NPL: variants seen among roughly 807,000 people sequenced by gnomAD.
NPL encodes N-acetylneuraminate lyase.
NPL carries 32 observed loss-of-function variants against 41.1 expected under a neutral mutation model. The ratio of observed to expected loss-of-function variants is 0.78; its 90% confidence interval spans 0.59 to 1.05. The LOEUF (loss-of-function observed/expected upper bound fraction) is 1.05. Among genes scored for constraint, NPL ranks in the 50% least tolerant of loss-of-function variants. The pLI is 0.00. For synonymous variants in NPL, 128 were observed against 134.9 expected (o/e 0.95, Z 0.35); for missense variants, 321 against 378.4 (o/e 0.85, Z 1.26).
At chr1:182,806,314 C>T (rs1667007902) in intron 5 of NPL, 82 bp downstream of exon 5, 2 of 1,590,128 alleles carry the variant, frequency 1.3e-6, no homozygotes, top group African/African-American at 1.3e-5. Flanking sequence ...TACGCCCTCC[C>T]TGCTTCCTGG....
At chr1:182,799,232 C>T (rs1666764144) in intron 3 of NPL, among the ~76,000 whole-genome samples, 1 of 152,158 alleles carries the variant, frequency 6.6e-6, no homozygotes, top group African/African-American at 2.4e-5. Context: ...GCAAAAAGAA[C>T]AGAAGACTTT....
intron 10 of NPL, among the ~76,000 whole-genome samples, chr1:182,820,120 C>T (rs1363733911): frequency 1.3e-5 from 2 of 152,228 alleles, no homozygotes. Flanking sequence ...GCTGCCCAAG[C>T]GTGGCATCTC....
intron 3 of NPL, among the ~76,000 whole-genome samples, chr1:182,796,280 C>T (rs1666664633): frequency 6.6e-6 from 1 of 151,674 alleles, no homozygotes; most frequent in African/African-American, 2.4e-5. Flanking sequence ...TCCCTTTTCT[C>T]CCACCACCTG....
chr1:182,814,900 ACTT>A (rs750918130), intron 7 of NPL, 42 bp downstream of exon 7: 6 of 1,458,906 alleles, frequency 4.1e-6, no homozygotes, highest in African/African-American at 2.8e-5. Context: ...CACATGGTCC[ACTT>A]CTTCTTGCCT....
intron 3 of NPL, among the ~76,000 whole-genome samples, chr1:182,797,108 A>G (rs1438147326): frequency 6.6e-6 from 1 of 151,824 alleles, no homozygotes; most frequent in African/African-American, 2.4e-5. Flanking sequence ...ACCCTTTCCA[A>G]CTCTTAAGAG....
chr1:182,816,877 C>T lies in NPL; in HGVS notation c.457+71C>T, dbSNP rs1667349128. 4.4e-6 allele frequency: 5 copies of T among 1,146,040 alleles called. No individual in the cohort carries two copies. In the Admixed American group the frequency reaches 7.3e-5, roughly 17 times the overall value. The allele number at this position is 1,146,040 out of a possible 1,614,324, so 71.0% of individuals were successfully genotyped here. On this transcript the variant is annotated intron_variant, in intron 8 of 12. Transcript: ENST00000367553. ...TCTTACCCTATTATGCTAAGAAACT[C>T]CACTCCATCCCACCCTACCCCATGC...
At chr1:182,802,487 G>A (rs1295653885) in intron 3 of NPL, among the ~76,000 whole-genome samples, 1 of 149,862 alleles carries the variant, frequency 6.7e-6, no homozygotes, top group Non-Finnish European at 1.5e-5. Context: ...TGTTTTTGTT[G>A]TTTAAGGAAT....
Position 182,794,454 on chromosome 1 carries a change from G to A in NPL, c.68+15G>A. On this transcript the variant is annotated intron_variant, in intron 3 of 12. Transcript: ENST00000367553. ...ACTGAGAATGGGTAACTATCATTTG[G>A]GGCCTTGAGGGGATCAGTTCTCATT... is the stretch of plus-strand genomic sequence containing the variant. 2 of 1,612,374 alleles carry A rather than the reference G, an allele frequency of 1.2e-6. No individual in the cohort carries two copies. The highest frequency in any genetic ancestry group is 1.7e-6 in the Non-Finnish European group (2 of 1,178,416).
chr1:182,817,318 G>A (rs1465187505), intron 8 of NPL, among the ~76,000 whole-genome samples: 1 of 152,048 alleles, frequency 6.6e-6, no homozygotes, highest in Non-Finnish European at 1.5e-5. Context: ...TCCATAAGAG[G>A]AAAAATGGAG....
chr1:182,802,666 T>C (rs539777415), intron 3 of NPL, among the ~76,000 whole-genome samples: 111 of 152,330 alleles, frequency 7.3e-4, no homozygotes, highest in African/African-American at 2.5e-3. Context: ...CCATTTTCCT[T>C]TGAATTTCAC....
At chr1:182,800,387 G>C (rs1415407058) in intron 3 of NPL, among the ~76,000 whole-genome samples, 1 of 137,296 alleles carries the variant, frequency 7.3e-6, no homozygotes, top group East Asian at 2.5e-4. Flanking sequence ...AGTGAGCCGT[G>C]ATTGTGCCAC....
intron 2 of NPL, 135 bp downstream of exon 2, chr1:182,792,421 A>G (rs1666541067): frequency 1.3e-5 from 2 of 152,212 alleles, no homozygotes; most frequent in Admixed American, 1.3e-4. Context: ...TGGGAGTGCT[A>G]GGTGAAGATA....
intron 6 of NPL, 30 bp downstream of exon 6, chr1:182,812,243 C>T: frequency 6.3e-7 from 1 of 1,591,782 alleles, no homozygotes; most frequent in Non-Finnish European, 8.6e-7. Context: ...TGGGAGAGAC[C>T]ATTCAAGGGG....
intron 3 of NPL, chr1:182,795,606 G>C (rs576367461): frequency 4.5e-4 from 68 of 152,182 alleles, no homozygotes; most frequent in African/African-American, 1.6e-3. Context: ...AAGACTTCTG[G>C]CTTCTAAGAT....
intron 11 of NPL, among the ~76,000 whole-genome samples, chr1:182,823,313 G>T (rs1029337384): frequency 2.6e-5 from 4 of 152,188 alleles, no homozygotes; most frequent in African/African-American, 9.7e-5. Flanking sequence ...GAAGTACAAA[G>T]TATCCTGGGG....
At chr1:182,791,515 T>A (rs1666514851) in intron 1 of NPL, among the ~76,000 whole-genome samples, 1 of 152,200 alleles carries the variant, frequency 6.6e-6, no homozygotes, top group Non-Finnish European at 1.5e-5. Flanking sequence ...TACTGGAAGA[T>A]TAATCTGACA....
chr1:182,797,800 A>G (rs1047971287), intron 3 of NPL, among the ~76,000 whole-genome samples: 2 of 152,158 alleles, frequency 1.3e-5, no homozygotes, highest in Non-Finnish European at 2.9e-5. Context: ...TTACTTGTCT[A>G]TGTCTTCCAG....
chr1:182,796,388 T>C (rs138824267), intron 3 of NPL, among the ~76,000 whole-genome samples: 8 of 152,024 alleles, frequency 5.3e-5, no homozygotes, highest in Admixed American at 4.6e-4. Flanking sequence ...TCTGCACTTC[T>C]GGCATGTTTC....
chr1:182,806,510 T>G, intron 5 of NPL: 2 of 1,536,254 alleles, frequency 1.3e-6, no homozygotes, highest in Non-Finnish European at 1.7e-6. Flanking sequence ...CCCCTCACAG[T>G]TACCCGTCTT....
Sources: gnomAD v4.1 joint callset for allele counts (sites outside exome capture counted in the v4.1 genomes callset) on GRCh38, gnomAD v4.1.1 for gene constraint, MANE v1.5 for transcripts, NCBI Gene and HGNC (gene_info 2026-07-23, HGNC 2026-07-21) for gene names.